The following PCDHA5 variants were observed in gnomAD, a reference collection of about 807,000 sequenced individuals.
PCDHA5 encodes the protein protocadherin alpha 5, also known as protocadherin alpha-5.
A neutral mutation model predicts 61.6 loss-of-function variants in PCDHA5; 43 were observed. That is an observed-to-expected ratio of 0.70 (90% confidence interval 0.55 to 0.90). The LOEUF is 0.90. Ranked by LOEUF, PCDHA5 falls within the 40% of genes least tolerant of loss-of-function variation. PCDHA5 has a pLI of 0.00. For synonymous variants in PCDHA5, 627 were observed against 543.9 expected, an observed-to-expected ratio of 1.15 and a Z score of -2.13; for missense variants, 1,298 against 1,222.7, an observed-to-expected ratio of 1.06 and a Z score of -0.92.
intron 1 of PCDHA5, chr5:140,834,417 C>G (rs1772976539): frequency 6.2e-7 from 1 of 1,611,544 alleles, no homozygotes; most frequent in Non-Finnish European, 8.5e-7. Context: ...CCCAGGGGGC[C>G]GACATCTACT....
At chr5:140,842,204 A>T (rs2150331715) in intron 1 of PCDHA5, 1 of 1,613,676 alleles carries the variant, frequency 6.2e-7, no homozygotes, top group Non-Finnish European at 8.5e-7. Context: ...CCACTTTAGC[A>T]TAGATCGAAA....
intron 1 of PCDHA5, chr5:140,856,613 A>G: frequency 6.3e-7 from 1 of 1,598,082 alleles, no homozygotes; most frequent in Non-Finnish European, 8.6e-7. Flanking sequence ...AGACAAAGAC[A>G]AATTCCCAGT....
chr5:140,828,285 G>T lies in PCDHA5; in HGVS notation c.2352+4158G>T, dbSNP rs1200053101. ...GCGGAGCTGGTGCCGCGCCTGTTCA[G>T]GATGGCCTCCAAAGACCGCGAGGAC... On this transcript the variant is annotated intron_variant, in intron 1 of 3. Coordinates refer to ENST00000529859, the MANE Select transcript of PCDHA5 (RefSeq NM_018908.3). The T allele has an allele frequency of 1.2e-6, 2 of 1,614,124 alleles. No homozygotes were observed. The highest frequency in any genetic ancestry group is 1.7e-6 in the Non-Finnish European group (2 of 1,180,054).
At position 140,877,517 on chromosome 5, in the gene PCDHA5, C is replaced by T. The variant is rs782271327; in HGVS notation, c.2352+53390C>T. ...CAGGCCCCAAAGACGTCGTCGCGGG[C>T]CTCAGTGGGCGCTGTGGATCCCGAA... On this transcript the variant is annotated intron_variant, in intron 1 of 3. Coordinates refer to ENST00000529859, the MANE Select transcript of PCDHA5 (RefSeq NM_018908.3). 5.6e-6 allele frequency: 9 copies of T among 1,613,766 alleles called. No homozygotes were observed. Among genetic ancestry groups the T allele is most frequent in the Non-Finnish European group, 7.6e-6 (9 of 1,179,862 alleles).
At chr5:140,927,764 G>T (rs2084612834) in intron 1 of PCDHA5, 1 of 1,614,092 alleles carries the variant, frequency 6.2e-7, no homozygotes. Flanking sequence ...CCTAAAAGTG[G>T]GGAGGTGCAA....
At chr5:140,921,080 A>G (rs1329038497) in intron 1 of PCDHA5, among the ~76,000 whole-genome samples, 1 of 152,008 alleles carries the variant, frequency 6.6e-6, no homozygotes. Context: ...CTTGGGCTCA[A>G]GAGAATCCTC....
At chr5:140,976,060 T>G (rs1554237234) in intron 1 of PCDHA5, among the ~76,000 whole-genome samples, 3 of 152,228 alleles carry the variant, frequency 2.0e-5, no homozygotes. Flanking sequence ...GATAGTAATA[T>G]ATGTCTTACT....
At chr5:140,857,856 A>G in intron 1 of PCDHA5, 1 of 1,597,730 alleles carries the variant, frequency 6.3e-7, no homozygotes, top group Non-Finnish European at 8.6e-7. Context: ...TCTGGATACA[A>G]CGCGTGGCTG....
At chr5:140,892,283 C>T (rs1554185144) in intron 1 of PCDHA5, among the ~76,000 whole-genome samples, 1 of 152,172 alleles carries the variant, frequency 6.6e-6, no homozygotes, top group African/African-American at 2.4e-5. Context: ...GTATTAAACA[C>T]TTCTTCCTGG....
At chr5:140,971,918 G>A (rs1297848346) in intron 1 of PCDHA5, among the ~76,000 whole-genome samples, 1 of 152,082 alleles carries the variant, frequency 6.6e-6, no homozygotes, top group Non-Finnish European at 1.5e-5. Context: ...CAGCCACACT[G>A]CTAGTGTTAT....
intron 1 of PCDHA5, chr5:140,853,562 C>G (rs902693862): frequency 1.0e-6 from 1 of 981,152 alleles, no homozygotes; most frequent in South Asian, 4.8e-5. Flanking sequence ...ATAGGAAAAA[C>G]TAAGTTGTCA....
chr5:140,875,401 G>T, intron 1 of PCDHA5: 1 of 1,487,486 alleles, frequency 6.7e-7, no homozygotes, highest in Non-Finnish European at 8.9e-7. Context: ...AAGGGTGACT[G>T]CTCATAAAAT....
intron 1 of PCDHA5, chr5:140,966,271 T>C: frequency 2.8e-6 from 1 of 355,706 alleles, no homozygotes; most frequent in Non-Finnish European, 5.0e-6. Flanking sequence ...CTGGATGAAC[T>C]GGACAGTGGG....
intron 1 of PCDHA5, chr5:140,854,190 A>T: frequency 1.5e-6 from 1 of 648,854 alleles, no homozygotes; most frequent in Non-Finnish European, 1.9e-6. Flanking sequence ...TAGTTTAACT[A>T]CTCCCTACTT....
intron 1 of PCDHA5, among the ~76,000 whole-genome samples, chr5:140,911,424 T>C (rs1180624921): frequency 6.6e-6 from 1 of 152,168 alleles, no homozygotes; most frequent in Non-Finnish European, 1.5e-5. Context: ...TAAGAACTTG[T>C]GTCCAATTTC....
At position 140,842,039 on chromosome 5, in the gene PCDHA5, C is replaced by T. The variant is rs371732180; in HGVS notation, c.2352+17912C>T. ...AGTGCTGGATGTGAATGATAATGCT[C>T]CCACTTTCGAACAGTCTGAATACGA... On this transcript the variant is annotated intron_variant, in intron 1 of 3. Transcript: ENST00000529859. 4 of 1,613,816 alleles carry T rather than the reference C, an allele frequency of 2.5e-6. No individual in the cohort carries two copies. In the South Asian group the frequency reaches 4.4e-5, roughly 18 times the overall value.
intron 1 of PCDHA5, chr5:140,969,475 C>A: frequency 1.4e-6 from 2 of 1,476,386 alleles, no homozygotes; most frequent in South Asian, 1.4e-5. Context: ...ACAATTTGAT[C>A]ATAATCTGCT....
intron 1 of PCDHA5, among the ~76,000 whole-genome samples, chr5:140,932,575 G>A (rs1554208974): frequency 6.6e-6 from 1 of 151,674 alleles, no homozygotes; most frequent in South Asian, 2.1e-4. Context: ...TTTCCCATAG[G>A]GTAATTAGAT....
At chr5:140,934,729 T>G (rs2090016432) in intron 1 of PCDHA5, among the ~76,000 whole-genome samples, 1 of 152,164 alleles carries the variant, frequency 6.6e-6, no homozygotes, top group Non-Finnish European at 1.5e-5. Context: ...CAAGGCCTTT[T>G]TTAGGTGTCA....
Sources: allele counts gnomAD v4.1 joint callset (sites outside exome capture counted in the v4.1 genomes callset), GRCh38; gene constraint gnomAD v4.1.1; transcripts MANE v1.5; gene names NCBI Gene and HGNC (gene_info 2026-07-23, HGNC 2026-07-21).